The following AGPAT5 variants were observed in gnomAD, a reference collection of about 807,000 sequenced individuals.
AGPAT5 encodes the protein 1-acylglycerol-3-phosphate O-acyltransferase 5.
In AGPAT5, 46 loss-of-function variants were observed where a neutral mutation model predicts 45.6. The ratio of observed to expected loss-of-function variants is 1.01; its 90% CI spans 0.80 to 1.29. The LOEUF (loss-of-function observed/expected upper bound fraction) is 1.29. Ranked by LOEUF, AGPAT5 falls within the 50% of genes most tolerant of loss-of-function variation. The probability of loss-of-function intolerance (pLI) is 0.00; values close to 1 mark genes in which losing one functional copy is unlikely to be tolerated. For missense variants in AGPAT5, 673 were observed against 450.7 expected (o/e 1.49, Z -4.47); for synonymous variants, 272 against 167.0 (o/e 1.63, Z -4.85).
Position 6,755,170 on chromosome 8 carries a change from G to A in AGPAT5, c.865G>A (p.Asp289Asn), listed in dbSNP as rs1444042111. The change falls in exon 7 of 8, where the codon GAT (aspartate) becomes AAT (asparagine). Residue 289 changes from aspartate to asparagine, a missense_variant. Coordinates refer to ENST00000285518, the MANE Select transcript of AGPAT5 (RefSeq NM_018361.5). ...RWLHERFEIK[D>N]KMLIEFYESP... ...GCTGCATGAACGTTTCGAAATCAAA[G>A]ATAAGTGAGTAACAACAGTTCCAGC... 2.5e-6 allele frequency: 4 copies of A among 1,597,124 alleles called. No individual in the cohort carries two copies. Among genetic ancestry groups the A allele is most frequent in the Non-Finnish European group, 3.4e-6 (4 of 1,176,928 alleles).
chr8:6,744,913 G>GT (rs1413461477), intron 5 of AGPAT5, among the ~76,000 whole-genome samples: 1 of 152,168 alleles, frequency 6.6e-6, no homozygotes, highest in Non-Finnish European at 1.5e-5. Flanking sequence ...GGAGAACATC[G>GT]TAAGATCAAT....
intron 4 of AGPAT5, among the ~76,000 whole-genome samples, chr8:6,734,029 T>G (rs2116906650): frequency 6.6e-6 from 1 of 152,362 alleles, no homozygotes; most frequent in Non-Finnish European, 1.5e-5. Context: ...GTTTTTGGTT[T>G]GCAGCAGTTT....
At chr8:6,755,394 A>G (rs1189103120) in intron 7 of AGPAT5, among the ~76,000 whole-genome samples, 1 of 152,220 alleles carries the variant, frequency 6.6e-6, no homozygotes, top group African/African-American at 2.4e-5. Flanking sequence ...CATTGATAGT[A>G]TTTCTTGGAC....
chr8:6,747,556 T>G (rs868557248), intron 5 of AGPAT5, 114 bp from the exon 6 acceptor site: 1 of 1,002,574 alleles, frequency 1.0e-6, no homozygotes, highest in Non-Finnish European at 1.4e-6. Context: ...GGTTGTGGAA[T>G]TAATAGATTC....
At chr8:6,734,442 C>G (rs1428442561) in intron 4 of AGPAT5, among the ~76,000 whole-genome samples, 2 of 152,102 alleles carry the variant, frequency 1.3e-5, no homozygotes, top group African/African-American at 2.4e-5. Context: ...TCACATTTCC[C>G]TTTGACCCTG....
intron 1 of AGPAT5, among the ~76,000 whole-genome samples, chr8:6,724,400 T>G (rs1039342123): frequency 6.6e-6 from 1 of 152,134 alleles, no homozygotes; most frequent in Admixed American, 6.5e-5. Context: ...TTACAGTTCT[T>G]TAAAATTAAA....
intron 4 of AGPAT5, chr8:6,738,460 C>T (rs1256469064): frequency 6.6e-6 from 1 of 152,106 alleles, no homozygotes; most frequent in African/African-American, 2.4e-5. Flanking sequence ...CAAACAATTA[C>T]AATAGTAACA....
intron 5 of AGPAT5, among the ~76,000 whole-genome samples, chr8:6,746,848 T>A (rs139296574): frequency 5.3e-4 from 81 of 152,320 alleles, no homozygotes; most frequent in Middle Eastern, 3.4e-3. Flanking sequence ...TCTGTTAAAT[T>A]GTCAGTAAAT....
Position 6,741,728 on chromosome 8 carries a change from G to C in AGPAT5, c.563G>C (p.Ser188Thr), listed in dbSNP as rs1801251153. Residue 188 changes from serine to threonine, a missense_variant, in exon 5 of 8, where the codon AGT becomes ACT. Transcript: ENST00000285518. ...NPEQTKVLSA[S>T]QAFAAQRGLA... ...GAGCAAACAAAAGTCCTTTCAGCTA[G>C]TCAGGCATTTGCTGCCCAACGTGGT... 2 of 1,612,356 alleles carry C rather than the reference G, an allele frequency of 1.2e-6. No homozygotes were observed. The highest frequency in any genetic ancestry group is 8.5e-7 in the Non-Finnish European group (1 of 1,179,116).
chr8:6,731,404 A>G (rs1026885256), intron 3 of AGPAT5, among the ~76,000 whole-genome samples: 1 of 152,164 alleles, frequency 6.6e-6, no homozygotes, highest in Admixed American at 6.5e-5. Flanking sequence ...ATGGGATAGT[A>G]TTTGCATATA....
chr8:6,737,416 T>C (rs1801092778), intron 4 of AGPAT5, among the ~76,000 whole-genome samples: 1 of 152,240 alleles, frequency 6.6e-6, no homozygotes, highest in Non-Finnish European at 1.5e-5. Flanking sequence ...TCAGTTCTTA[T>C]TCGGTATTAG....
intron 1 of AGPAT5, among the ~76,000 whole-genome samples, chr8:6,721,777 A>G (rs1031068556): frequency 2.0e-5 from 3 of 152,230 alleles, no homozygotes; most frequent in Non-Finnish European, 4.4e-5. Context: ...AGACTGATTA[A>G]CAGGAGAAGA....
intron 2 of AGPAT5, among the ~76,000 whole-genome samples, chr8:6,729,396 A>G (rs1800789908): frequency 7.9e-6 from 1 of 127,364 alleles, no homozygotes; most frequent in African/African-American, 3.3e-5. Context: ...TTTTGTTCTC[A>G]TTTTCATGGC....
chr8:6,750,978 C>T (rs750585038), intron 6 of AGPAT5, among the ~76,000 whole-genome samples: 18 of 152,130 alleles, frequency 1.2e-4, no homozygotes, highest in African/African-American at 4.1e-4. Flanking sequence ...AATAATAACA[C>T]GTTTTTCCTT....
At chr8:6,721,194 T>C (rs958524991) in intron 1 of AGPAT5, among the ~76,000 whole-genome samples, 1 of 152,240 alleles carries the variant, frequency 6.6e-6, no homozygotes, top group Non-Finnish European at 1.5e-5. Flanking sequence ...AGTTTTTGTA[T>C]GCTTTACAGC....
intron 2 of AGPAT5, among the ~76,000 whole-genome samples, chr8:6,725,263 G>C (rs935818251): frequency 6.6e-6 from 1 of 152,168 alleles, no homozygotes; most frequent in African/African-American, 2.4e-5. Context: ...AGTAGCATTG[G>C]TGGGTCGAAG....
chr8:6,715,504 A>G (rs1009089621), intron 1 of AGPAT5, among the ~76,000 whole-genome samples: 4 of 152,216 alleles, frequency 2.6e-5, no homozygotes, highest in Non-Finnish European at 5.9e-5. Flanking sequence ...GTATTGTTCT[A>G]TTATGTAAAT....
At chr8:6,742,858 C>A (rs945326630) in intron 5 of AGPAT5, among the ~76,000 whole-genome samples, 2 of 152,126 alleles carry the variant, frequency 1.3e-5, no homozygotes, top group African/African-American at 4.8e-5. Context: ...GTTGGTCTCC[C>A]CATCTGCCAG....
At chr8:6,752,627 T>C (rs575491559) in intron 6 of AGPAT5, among the ~76,000 whole-genome samples, 1 of 152,160 alleles carries the variant, frequency 6.6e-6, no homozygotes, top group Non-Finnish European at 1.5e-5. Flanking sequence ...TGGAAGACTT[T>C]CTCTATTACC....
Sources: allele counts gnomAD v4.1 joint callset (sites outside exome capture counted in the v4.1 genomes callset), GRCh38; gene constraint gnomAD v4.1.1; transcripts MANE v1.5; gene names NCBI Gene and HGNC (gene_info 2026-07-23, HGNC 2026-07-21).